Variants in CELF4 observed in about 807,000 individuals in gnomAD.
CELF4 encodes CUG-BP- and ETR-3-like factor 4.
In CELF4, 18 loss-of-function variants were observed where a neutral mutation model predicts 59.9. That is an observed-to-expected ratio of 0.30 (90% CI 0.21 to 0.45). The LOEUF (loss-of-function observed/expected upper bound fraction) is 0.45, where lower values mean the gene tolerates loss of function less well. CELF4 is among the 20% of genes least tolerant of loss of function. The pLI is 1.00. For missense variants in CELF4, 456 were observed against 689.0 expected (o/e 0.66, Z 3.79); for synonymous variants, 261 against 267.1 (o/e 0.98, Z 0.22).
chr18:37,486,008 A>G (rs1023413472), intron 1 of CELF4: 2 of 157,840 alleles, frequency 1.3e-5, no homozygotes, highest in Non-Finnish European at 2.8e-5. Context: ...ACACTTGACC[A>G]TGGGCTGTCT....
chr18:37,291,696 G>A (rs1047512433), intron 3 of CELF4, among the ~76,000 whole-genome samples: 8 of 152,286 alleles, frequency 5.3e-5, no homozygotes, highest in South Asian at 2.1e-4. Flanking sequence ...CTCACAGGGT[G>A]GTTCCCTCTA....
intron 1 of CELF4, among the ~76,000 whole-genome samples, chr18:37,493,073 C>T (rs2099911648): frequency 1.3e-5 from 2 of 152,300 alleles, no homozygotes; most frequent in East Asian, 1.9e-4. Context: ...GCTGGTATTC[C>T]AACAATTCCT....
intron 2 of CELF4, among the ~76,000 whole-genome samples, chr18:37,388,830 C>G (rs1315908007): frequency 6.6e-6 from 1 of 152,126 alleles, no homozygotes; most frequent in Non-Finnish European, 1.5e-5. Flanking sequence ...CACCTCAGCC[C>G]TTGTCACCCT....
chr18:37,565,677 CACA>C lies in CELF4; in HGVS notation c.-39_-37del. On this transcript the variant is annotated 5_prime_UTR_variant, in exon 1 of 13. Coordinates refer to ENST00000420428, the MANE Select transcript of CELF4 (RefSeq NM_020180.4). ...TTCTTTCCTTTTATTCTTTCTCGCT[CACA>C]CTCTCTCGCTCCTCTCTCTCGCTCG... is the stretch of plus-strand genomic sequence containing the variant. 1 of 1,523,550 alleles carries C rather than the reference CACA, an allele frequency of 6.6e-7. No individual in the cohort carries two copies. The highest frequency in any genetic ancestry group is 8.8e-7 in the Non-Finnish European group (1 of 1,137,194). 94.4% of individuals were successfully genotyped at this position (1,523,550 alleles called of 1,614,324 possible).
intron 2 of CELF4, among the ~76,000 whole-genome samples, chr18:37,412,102 G>A (rs770133185): frequency 7.2e-5 from 11 of 152,194 alleles, no homozygotes; most frequent in African/African-American, 2.2e-4. Context: ...TGAGTCAGCC[G>A]TCCAGATTTG....
At chr18:37,478,409 C>CT (rs754720068) in intron 2 of CELF4, among the ~76,000 whole-genome samples, 11 of 152,340 alleles carry the variant, frequency 7.2e-5, no homozygotes, top group Non-Finnish European at 1.0e-4. Context: ...TTCTCTGGTT[C>CT]TTTCAGATCA....
At chr18:37,473,583 C>T (rs2099840289) in intron 2 of CELF4, 1 of 152,218 alleles carries the variant, frequency 6.6e-6, no homozygotes, top group South Asian at 2.1e-4. Context: ...AATAAACATG[C>T]AGAGTTAGCA....
intron 1 of CELF4, among the ~76,000 whole-genome samples, chr18:37,519,712 G>A (rs1400563137): frequency 6.6e-6 from 1 of 152,224 alleles, no homozygotes; most frequent in East Asian, 1.9e-4. Flanking sequence ...TCAGTGGCCT[G>A]GGCCTTGGCT....
chr18:37,345,291 G>A (rs980320039), intron 2 of CELF4, among the ~76,000 whole-genome samples: 2 of 152,198 alleles, frequency 1.3e-5, no homozygotes, highest in South Asian at 4.1e-4. Context: ...TAATTGTTCC[G>A]CAAAAGACCC....
At chr18:37,363,627 T>C (rs1201003332) in intron 2 of CELF4, among the ~76,000 whole-genome samples, 1 of 152,134 alleles carries the variant, frequency 6.6e-6, no homozygotes, top group Admixed American at 6.5e-5. Flanking sequence ...TGGTAAGATT[T>C]TGGTGTCATA....
At chr18:37,427,374 G>A (rs574747928) in intron 2 of CELF4, among the ~76,000 whole-genome samples, 3 of 152,226 alleles carry the variant, frequency 2.0e-5, no homozygotes, top group Non-Finnish European at 4.4e-5. Flanking sequence ...CACCCAACTC[G>A]CCAAACCCAG....
At chr18:37,560,384 T>G (rs1283556141) in intron 1 of CELF4, among the ~76,000 whole-genome samples, 1 of 152,252 alleles carries the variant, frequency 6.6e-6, no homozygotes. Context: ...CCAATATTTT[T>G]TCTTTGCTCT....
At chr18:37,477,499 A>C (rs996972793) in intron 2 of CELF4, among the ~76,000 whole-genome samples, 5 of 151,872 alleles carry the variant, frequency 3.3e-5, no homozygotes, top group Non-Finnish European at 7.4e-5. Flanking sequence ...AGGTGGTGGG[A>C]CCTTTATTTT....
intron 1 of CELF4, among the ~76,000 whole-genome samples, chr18:37,543,462 A>G (rs1407607821): frequency 1.3e-5 from 2 of 152,176 alleles, no homozygotes; most frequent in African/African-American, 2.4e-5. Context: ...TTGCTTGGGC[A>G]TGGCTTTTTT....
intron 2 of CELF4, among the ~76,000 whole-genome samples, chr18:37,388,225 T>C (rs1379338784): frequency 1.3e-5 from 2 of 152,056 alleles, no homozygotes; most frequent in Non-Finnish European, 2.9e-5. Context: ...AGCACATCTG[T>C]CAGGCTTGGT....
intron 1 of CELF4, among the ~76,000 whole-genome samples, chr18:37,557,016 C>G (rs1022562625): frequency 6.6e-6 from 1 of 152,118 alleles, no homozygotes; most frequent in Non-Finnish European, 1.5e-5. Context: ...GGCACCAAGA[C>G]TCCACAACTG....
At position 37,430,453 on chromosome 18, in the gene CELF4, C is replaced by G. The variant is rs146038043; in HGVS notation, c.369+55072G>C. Among the ~76,000 whole-genome samples the G allele has an allele frequency of 3.3e-4, 50 of 152,294 alleles. No individual in the cohort carries two copies. The East Asian group carries it at 8.1e-3, about 25-fold the overall frequency. On this transcript the variant is annotated intron_variant, in intron 2 of 12. Transcript: ENST00000420428. ...AGCATTGCAGTGGGCCCTCCACCCCCACTCCACACAAACCTCGGGGCAGGG... is the reference window on the plus strand; with the variant it reads ...AGCATTGCAGTGGGCCCTCCACCCCGACTCCACACAAACCTCGGGGCAGGG...
intron 3 of CELF4, among the ~76,000 whole-genome samples, chr18:37,279,842 A>T (rs2093896317): frequency 6.6e-6 from 1 of 152,180 alleles, no homozygotes; most frequent in Non-Finnish European, 1.5e-5. Context: ...TGGGGCAGAG[A>T]AGGAACCCCA....
intron 2 of CELF4, among the ~76,000 whole-genome samples, chr18:37,429,384 CTCTT>C (rs1415218403): frequency 6.6e-6 from 1 of 151,602 alleles, no homozygotes; most frequent in Non-Finnish European, 1.5e-5. Flanking sequence ...TTTTATCTGC[CTCTT>C]TGTGTTTGCT....
Sources: allele counts gnomAD v4.1 joint callset (sites outside exome capture counted in the v4.1 genomes callset), GRCh38; gene constraint gnomAD v4.1.1; transcripts MANE v1.5; gene names NCBI Gene and HGNC (gene_info 2026-07-23, HGNC 2026-07-21).